The following HDAC9 variants were observed in gnomAD, a reference collection of about 807,000 sequenced individuals.
HDAC9 encodes MEF-2 interacting transcription repressor (MITR) protein.
Under a neutral mutation model 139.4 loss-of-function variants are expected in HDAC9, and 41 were observed. That is an observed-to-expected ratio of 0.29 (90% confidence interval 0.23 to 0.38). HDAC9 has a LOEUF of 0.38. Among genes scored for constraint, HDAC9 ranks in the 10% least tolerant of loss-of-function variants. The probability of loss-of-function intolerance (pLI) is 1.00; values close to 1 mark genes in which losing one functional copy is unlikely to be tolerated. For synonymous variants in HDAC9, 517 were observed against 476.2 expected (o/e 1.09, Z -1.12); for missense variants, 1,147 against 1,297.0 (o/e 0.88, Z 1.78).
At chr7:18,701,397 T>TAAAAAAAAAAAAAA (rs533989795) in intron 12 of HDAC9, among the ~76,000 whole-genome samples, 1 of 103,152 alleles carries the variant, frequency 9.7e-6, no homozygotes, top group Non-Finnish European at 1.8e-5. Flanking sequence ...GCGTCTGATT[T>TAAAAAAAAAAAAAA]AAAAAAAAAC....
At chr7:18,964,020 C>T (rs1477656367) in intron 24 of HDAC9, among the ~76,000 whole-genome samples, 1 of 152,104 alleles carries the variant, frequency 6.6e-6, no homozygotes, top group African/African-American at 2.4e-5. Context: ...AAATCTCAAC[C>T]CTGGATATAC....
At chr7:18,845,996 G>A (rs143725087) in intron 21 of HDAC9, among the ~76,000 whole-genome samples, 1 of 152,234 alleles carries the variant, frequency 6.6e-6, no homozygotes, top group East Asian at 1.9e-4. Flanking sequence ...GCCGTAGTGG[G>A]CTTCCTGGGG....
chr7:18,492,488 T>C (rs182952334), upstream of HDAC9, among the ~76,000 whole-genome samples: 125 of 152,138 alleles, frequency 8.2e-4, 3 homozygotes, highest in East Asian at 0.022. Context: ...TACTATTAAA[T>C]TGAGAACCTG....
At chr7:18,636,728 T>C (rs917492552) in intron 8 of HDAC9, among the ~76,000 whole-genome samples, 2 of 152,122 alleles carry the variant, frequency 1.3e-5, no homozygotes, top group Admixed American at 6.6e-5. Context: ...ATAAATACTT[T>C]GTTTATATTT....
chr7:18,880,230 A>G (rs1166724071), intron 22 of HDAC9, among the ~76,000 whole-genome samples: 2 of 152,202 alleles, frequency 1.3e-5, no homozygotes, highest in African/African-American at 2.4e-5. Context: ...TAGTTCAGCC[A>G]TTGTGGAAAG....
chr7:18,393,609 A>G (rs891789317), intron 1 of HDAC9, among the ~76,000 whole-genome samples: 2 of 152,180 alleles, frequency 1.3e-5, no homozygotes, highest in Non-Finnish European at 2.9e-5. Flanking sequence ...TTTGTTTAGA[A>G]GTGCAGGAGG....
chr7:18,098,941 TC>T (rs1409981537), intron 1 of HDAC9, among the ~76,000 whole-genome samples: 2 of 152,130 alleles, frequency 1.3e-5, no homozygotes, highest in African/African-American at 4.8e-5. Context: ...TCCCAATTTT[TC>T]CCCATAAACA....
intron 22 of HDAC9, among the ~76,000 whole-genome samples, chr7:18,920,947 A>G (rs1345910837): frequency 1.3e-5 from 2 of 152,076 alleles, no homozygotes; most frequent in Non-Finnish European, 2.9e-5. Context: ...CAACTATCTG[A>G]TCTTTGACAA....
In HDAC9 at chr7:18,612,024, T is replaced by G. The variant is rs572648529; in HGVS notation, c.665-17326T>G. Among the ~76,000 whole-genome samples, 56 of 152,276 alleles carry G rather than the reference T, an allele frequency of 3.7e-4. 1 individual carries two copies. The highest frequency in any genetic ancestry group is 1.3e-3 in the African/African-American group (55 of 41,588). On this transcript the variant is annotated intron_variant, in intron 6 of 25. Transcript: ENST00000686413. ...CAAACTTTCAGAACTAATTTGCTGA[T>G]TATTGACAGAATTCTGAGAAATTGT...
intron 1 of HDAC9, among the ~76,000 whole-genome samples, chr7:18,304,155 TAA>T (rs1798760911): frequency 1.3e-5 from 2 of 152,194 alleles, no homozygotes; most frequent in Admixed American, 1.3e-4. Flanking sequence ...TTATACTATA[TAA>T]GAGTTTAAAA....
intron 21 of HDAC9, among the ~76,000 whole-genome samples, chr7:18,846,950 C>T (rs1011034296): frequency 8.5e-5 from 13 of 152,116 alleles, no homozygotes; most frequent in Non-Finnish European, 1.6e-4. Context: ...TTGAAAAGTG[C>T]GTGTGGAAGT....
At chr7:18,434,584 A>G (rs1790998544) in intron 1 of HDAC9, among the ~76,000 whole-genome samples, 2 of 152,242 alleles carry the variant, frequency 1.3e-5, no homozygotes, top group Non-Finnish European at 1.5e-5. Context: ...GGTAAAGGAC[A>G]TGAACAGACA....
chr7:18,462,971 T>A (rs1257750308), intron 1 of HDAC9, among the ~76,000 whole-genome samples: 1 of 152,022 alleles, frequency 6.6e-6, no homozygotes, highest in Non-Finnish European at 1.5e-5. Flanking sequence ...CAATGTATAG[T>A]CCTACTGGTA....
At chr7:18,293,015 A>G (rs1348508578) in intron 1 of HDAC9, among the ~76,000 whole-genome samples, 4 of 151,958 alleles carry the variant, frequency 2.6e-5, no homozygotes, top group Non-Finnish European at 5.9e-5. Flanking sequence ...TCTTCACTCA[A>G]GGGGACATGG....
intron 2 of HDAC9, among the ~76,000 whole-genome samples, chr7:18,569,661 G>A (rs866784631): frequency 1.3e-5 from 2 of 152,154 alleles, no homozygotes; most frequent in Admixed American, 1.3e-4. Flanking sequence ...AGAAGCCATG[G>A]AGAAGAATTA....
intron 16 of HDAC9, among the ~76,000 whole-genome samples, chr7:18,789,311 GTCTCTC>G (rs562617790): frequency 2.7e-5 from 3 of 112,402 alleles, no homozygotes; most frequent in African/African-American, 9.7e-5. Flanking sequence ...CACACACACA[GTCTCTC>G]TCTCTCTCTC....
intron 22 of HDAC9, among the ~76,000 whole-genome samples, chr7:18,902,099 C>A (rs984372839): frequency 1.6e-4 from 24 of 152,208 alleles, no homozygotes; most frequent in African/African-American, 5.5e-4. Context: ...GAGGCTGAAG[C>A]CTCTGGAATG....
chr7:18,852,111 A>G (rs1797343601), intron 21 of HDAC9, among the ~76,000 whole-genome samples: 1 of 152,142 alleles, frequency 6.6e-6, no homozygotes, highest in South Asian at 2.1e-4. Flanking sequence ...TGGTGCTTTG[A>G]GGTATCTTTC....
intron 1 of HDAC9, chr7:18,088,126 C>T (rs1781910330): frequency 6.6e-6 from 1 of 152,090 alleles, no homozygotes; most frequent in Non-Finnish European, 1.5e-5. Context: ...GAACTTTCAG[C>T]TTTAAGTAAC....
Sources: allele counts gnomAD v4.1 joint callset (sites outside exome capture counted in the v4.1 genomes callset), GRCh38; gene constraint gnomAD v4.1.1; transcripts MANE v1.5; gene names NCBI Gene and HGNC (gene_info 2026-07-23, HGNC 2026-07-21).